Variants in XCR1 observed in about 807,000 individuals in gnomAD.
The protein encoded by XCR1 is X-C motif chemokine receptor 1.
For missense variants in XCR1, 356 were observed against 424.2 expected, an observed-to-expected ratio of 0.84 and a Z score of 1.41; for synonymous variants, 187 against 188.5, an observed-to-expected ratio of 0.99 and a Z score of 0.06.
chr3:46,064,155 A>C (rs1245005596), intron 4 of XCR1, among the ~76,000 whole-genome samples: 1 of 152,170 alleles, frequency 6.6e-6, no homozygotes, highest in Non-Finnish European at 1.5e-5. Flanking sequence ...TTACATGTGT[A>C]AGCCAATGTG....
At chr3:46,033,427 G>C in intron 5 of XCR1, among the ~76,000 whole-genome samples, 1 of 152,142 alleles carries the variant, frequency 6.6e-6, no homozygotes, top group East Asian at 1.9e-4. Flanking sequence ...AGCACCACTT[G>C]TTGAAAATAT....
intron 4 of XCR1, among the ~76,000 whole-genome samples, chr3:46,060,972 G>A (rs73830718): frequency 0.018 from 2,700 of 152,330 alleles, 67 homozygotes; most frequent in African/African-American, 0.06. Flanking sequence ...TTGGTGTGAA[G>A]TGAGTTCCTT....
chr3:46,051,730 A>T (rs1453854961), intron 5 of XCR1, among the ~76,000 whole-genome samples: 1 of 152,238 alleles, frequency 6.6e-6, no homozygotes, highest in Non-Finnish European at 1.5e-5. Context: ...TTGTGACATT[A>T]AAACTACTTG....
rs778906589 is a variant in XCR1, at chr3:46,021,914, A to C, written c.34T>G (p.Phe12Val). 8.7e-6 allele frequency: 14 copies of C among 1,613,728 alleles called. No homozygotes were observed. The East Asian group carries it at 3.1e-4, about 36-fold the overall frequency. ...ESSGNPESTT[F>V]FYYDLQSQPC... Reference sequence around the variant, plus strand: ...TGGCTCTGAAGGTCATAGTAAAAAAAGGTGGTGCTCTCTGGGTTGCCTGAG... The same window carrying C: ...TGGCTCTGAAGGTCATAGTAAAAAACGGTGGTGCTCTCTGGGTTGCCTGAG... The change falls in exon 2 of 2, where the codon TTT (phenylalanine) becomes GTT (valine). Residue 12 changes from phenylalanine (F) to valine (V), a missense_variant. By Grantham distance (50) the Phe-to-Val change is conservative. Coordinates refer to ENST00000309285, the MANE Select transcript of XCR1 (RefSeq NM_001024644.2). This position sits in a 1 kb window ranked among gnomAD's most constrained non-coding sequence, Gnocchi z 4.7.
chr3:46,018,969 A>G lies in XCR1; in HGVS notation c.*1977T>C. On this transcript the variant is annotated 3_prime_UTR_variant, in exon 2 of 2. Transcript: ENST00000309285. Reference sequence around the variant, plus strand: ...GGAAGCTTTTCCAAATCCCCACGCCAGAGCCAAATCAGGTTCACAGATTGG... The same window carrying G: ...GGAAGCTTTTCCAAATCCCCACGCCGGAGCCAAATCAGGTTCACAGATTGG... 6.9e-6 allele frequency: 1 copy of G among 145,760 alleles called. No homozygotes were observed. Among genetic ancestry groups the G allele is most frequent in the South Asian group, 2.2e-4 (1 of 4,632 alleles). The allele number at this position is 145,760 out of a possible 1,614,324, so 9.0% of individuals were successfully genotyped here.
At chr3:46,023,491 A>C in intron 1 of XCR1, 3 of 1,566,370 alleles carry the variant, frequency 1.9e-6, no homozygotes, top group Non-Finnish European at 2.6e-6. Flanking sequence ...TAGCCACATG[A>C]AACAGCTCCT....
At chr3:46,030,413 G>A (rs1708374540), upstream of XCR1, among the ~76,000 whole-genome samples, 1 of 152,138 alleles carries the variant, frequency 6.6e-6, no homozygotes, top group Admixed American at 6.5e-5. Context: ...TGCATCTCTT[G>A]AGTTTATTGT....
upstream of XCR1, among the ~76,000 whole-genome samples, chr3:46,030,158 C>T (rs1461435716): frequency 1.3e-5 from 2 of 151,408 alleles, no homozygotes; most frequent in Non-Finnish European, 2.9e-5. Context: ...GGGTACTTTT[C>T]CCCCCACCGT....
chr3:46,023,915 A>C, intron 1 of XCR1: 1 of 1,498,840 alleles, frequency 6.7e-7, no homozygotes. Context: ...GACTTCTAAA[A>C]AGGTCCAGTA....
intron 4 of XCR1, among the ~76,000 whole-genome samples, chr3:46,061,844 T>G (rs1697969197): frequency 6.6e-6 from 1 of 151,888 alleles, no homozygotes; most frequent in African/African-American, 2.4e-5. Flanking sequence ...AAGCCCCAGG[T>G]GAGTGTAAAG....
intron 4 of XCR1, among the ~76,000 whole-genome samples, chr3:46,065,141 C>G (rs1698043024): frequency 6.6e-6 from 1 of 152,184 alleles, no homozygotes; most frequent in Non-Finnish European, 1.5e-5. Flanking sequence ...AGTTACCCAG[C>G]CAAGCTCTAC....
chr3:46,038,050 G>T (rs6789616), intron 5 of XCR1, among the ~76,000 whole-genome samples: 66,172 of 146,954 alleles, frequency 0.45, 17,471 homozygotes, highest in African/African-American at 0.74. Flanking sequence ...TTTTTTGAGA[G>T]GGAGTCTTGC....
chr3:46,066,612 C>T (rs1218967590), intron 4 of XCR1, among the ~76,000 whole-genome samples: 2 of 152,112 alleles, frequency 1.3e-5, no homozygotes, highest in Admixed American at 6.6e-5. Context: ...TATATAGGTT[C>T]CCAGGCTCCA....
At chr3:46,031,562 A>G (rs955411645), upstream of XCR1, among the ~76,000 whole-genome samples, 2 of 152,246 alleles carry the variant, frequency 1.3e-5, no homozygotes, top group Non-Finnish European at 2.9e-5. Flanking sequence ...AACCCTTGGC[A>G]TGAACAGCCT....
At chr3:46,023,352 C>T (rs1708206456) in intron 1 of XCR1, 1 of 1,371,792 alleles carries the variant, frequency 7.3e-7, no homozygotes, top group East Asian at 2.3e-5. Context: ...GACGAGCCGA[C>T]CGTTTATTAG....
Position 46,021,119 on chromosome 3 carries a change from A to C in XCR1, c.829T>G (p.Phe277Val), listed in dbSNP as rs149762656. 206 of 1,614,262 alleles carry C rather than the reference A, an allele frequency of 1.3e-4. No homozygotes were observed. The South Asian group carries it at 1.6e-3, about 12-fold the overall frequency. ...ACCGGGTTAAAGCAGCAGTGGGAGA[A>C]GGCGAGGTTGCGGCAGATGAGCAGG... ...YALLICRNLA[F>V]SHCCFNPVLY... Residue 277 changes from phenylalanine (F) to valine (V), a missense_variant, in exon 2 of 2, where the codon TTC becomes GTC. Coordinates refer to ENST00000309285, the MANE Select transcript of XCR1 (RefSeq NM_001024644.2). This position sits in a 1 kb window ranked among gnomAD's most constrained non-coding sequence, Gnocchi z 4.7.
chr3:46,026,282 T>A (rs756704877), intron 1 of XCR1, among the ~76,000 whole-genome samples: 1 of 152,178 alleles, frequency 6.6e-6, no homozygotes, highest in Non-Finnish European at 1.5e-5. Flanking sequence ...AGGAAAATGA[T>A]GTCAAATCTC....
At position 46,018,510 on chromosome 3, in the gene XCR1, C is replaced by T. The variant is rs902243697; in HGVS notation, c.*2436G>A. On this transcript the variant is annotated 3_prime_UTR_variant, in exon 2 of 2. Coordinates refer to ENST00000309285, the MANE Select transcript of XCR1 (RefSeq NM_001024644.2). ...TTAGCTCTGATACCACAAACTACCT[C>T]ATTATCTCTTCCTTATGCTGTTTCT... 6.6e-6 allele frequency: 1 copy of T among 152,212 alleles called. No homozygotes were observed. The highest frequency in any genetic ancestry group is 1.5e-5 in the Non-Finnish European group (1 of 68,058). 9.4% of individuals were successfully genotyped at this position (152,212 alleles called of 1,614,324 possible).
At chr3:46,051,587 G>C (rs1325768334) in intron 5 of XCR1, among the ~76,000 whole-genome samples, 1 of 152,228 alleles carries the variant, frequency 6.6e-6, no homozygotes, top group South Asian at 2.1e-4. Flanking sequence ...GGTTGGGGTA[G>C]ATAGATTTCC....
Sources: allele counts gnomAD v4.1 joint callset (sites outside exome capture counted in the v4.1 genomes callset), GRCh38; gene constraint gnomAD v4.1.1; non-coding constraint Gnocchi (gnomAD v3.1); transcripts MANE v1.5; gene names NCBI Gene and HGNC (gene_info 2026-07-23, HGNC 2026-07-21).